The following DLGAP2 variants were observed in gnomAD, a reference collection of about 807,000 sequenced individuals.
DLGAP2 encodes the protein disks large-associated protein 2.
DLGAP2 carries 26 observed loss-of-function variants against 100.3 expected under a neutral mutation model. That is an observed-to-expected ratio of 0.26 (90% CI 0.19 to 0.36). The LOEUF (loss-of-function observed/expected upper bound fraction) is 0.36, where lower values mean the gene tolerates loss of function less well. DLGAP2 is among the 10% of genes least tolerant of loss of function. The pLI is 1.00. For missense variants in DLGAP2, 1,858 were observed against 1,453.2 expected (o/e 1.28, Z -4.53); for synonymous variants, 886 against 630.1 (o/e 1.41, Z -6.08).
chr8:1,231,935 G>T (rs1182011759), intron 2 of DLGAP2, among the ~76,000 whole-genome samples: 1 of 152,048 alleles, frequency 6.6e-6, no homozygotes, highest in African/African-American at 2.4e-5. Context: ...ACCTGCACAT[G>T]TACCCCTGAA....
intron 7 of DLGAP2, among the ~76,000 whole-genome samples, chr8:1,631,371 G>A (rs947568713): frequency 3.9e-5 from 6 of 152,092 alleles, no homozygotes; most frequent in African/African-American, 7.2e-5. Context: ...ACCTTCTCAC[G>A]CTGTCTACGA....
chr8:1,594,333 C>G (rs1362848274), intron 6 of DLGAP2, among the ~76,000 whole-genome samples: 1 of 151,876 alleles, frequency 6.6e-6, no homozygotes, highest in East Asian at 1.9e-4. Flanking sequence ...GAAGATGCCC[C>G]CTAAGGTCAA....
intron 3 of DLGAP2, among the ~76,000 whole-genome samples, chr8:1,428,057 G>C (rs541353254): frequency 2.0e-5 from 3 of 151,798 alleles, no homozygotes; most frequent in Non-Finnish European, 4.4e-5. Context: ...AAAAATAAAT[G>C]ACTTACATAG....
chr8:780,323 T>A (rs1375266961), intron 1 of DLGAP2, among the ~76,000 whole-genome samples: 2 of 152,226 alleles, frequency 1.3e-5, no homozygotes, highest in Non-Finnish European at 2.9e-5. Context: ...TAACAGGATT[T>A]CTTTTTCTTT....
chr8:1,602,494 C>G (rs1193008132), intron 6 of DLGAP2, among the ~76,000 whole-genome samples: 1 of 152,250 alleles, frequency 6.6e-6, no homozygotes, highest in African/African-American at 2.4e-5. Context: ...CCAGAGCTAG[C>G]CAGGGCTGGA....
intron 2 of DLGAP2, among the ~76,000 whole-genome samples, chr8:1,224,327 C>T (rs2116818617): frequency 6.6e-6 from 1 of 152,286 alleles, no homozygotes; most frequent in East Asian, 1.9e-4. Context: ...TAACTACCGT[C>T]AAGTAGGAAA....
chr8:1,181,704 C>A (rs572005870), intron 2 of DLGAP2, among the ~76,000 whole-genome samples: 1 of 152,254 alleles, frequency 6.6e-6, no homozygotes, highest in African/African-American at 2.4e-5. Context: ...AAGAAATGAA[C>A]AAACGATGGG....
chr8:1,380,329 T>G (rs184748373), intron 3 of DLGAP2: 2 of 152,198 alleles, frequency 1.3e-5, no homozygotes, highest in African/African-American at 2.4e-5. Context: ...GCACCGCAAA[T>G]TACCTGCACC....
In DLGAP2 at chr8:1,637,095, G is replaced by A. The variant is rs566265146; in HGVS notation, c.1810+4049G>A. Among the ~76,000 whole-genome samples the A allele has an allele frequency of 1.2e-3, 188 of 152,320 alleles. 1 individual carries two copies. The highest frequency in any genetic ancestry group is 4.3e-3 in the African/African-American group (178 of 41,586). ...CCGCAGGCAGGATGTCTCTGCAGAC[G>A]TGCTTGCTCGGGGACCAGGTGTGCA... On this transcript the variant is annotated intron_variant, in intron 8 of 14. Coordinates refer to ENST00000637795, the MANE Select transcript of DLGAP2 (RefSeq NM_001346810.2).
chr8:838,690 C>A (rs896619185), intron 1 of DLGAP2, among the ~76,000 whole-genome samples: 1 of 152,052 alleles, frequency 6.6e-6, no homozygotes, highest in Non-Finnish European at 1.5e-5. Flanking sequence ...TGCAATTAAA[C>A]TTCTTTTACT....
intron 2 of DLGAP2, among the ~76,000 whole-genome samples, chr8:1,089,146 G>T (rs953395011): frequency 1.4e-5 from 2 of 146,356 alleles, no homozygotes; most frequent in African/African-American, 2.6e-5. Flanking sequence ...AGCAGGCTAT[G>T]CAATTCTCGC....
At chr8:768,549 C>G (rs547481963) in intron 1 of DLGAP2, among the ~76,000 whole-genome samples, 1 of 151,422 alleles carries the variant, frequency 6.6e-6, no homozygotes, top group African/African-American at 2.4e-5. Flanking sequence ...CTCAGCCTCC[C>G]GAGTACCTGG....
chr8:1,068,920 C>T (rs1323407266), intron 2 of DLGAP2, among the ~76,000 whole-genome samples: 1 of 152,076 alleles, frequency 6.6e-6, no homozygotes, highest in African/African-American at 2.4e-5. Context: ...CTGGGCAGCC[C>T]CGGGGGCTGG....
At chr8:1,132,503 TCA>T (rs1250142622) in intron 2 of DLGAP2, among the ~76,000 whole-genome samples, 1 of 152,226 alleles carries the variant, frequency 6.6e-6, no homozygotes, top group Non-Finnish European at 1.5e-5. Flanking sequence ...AATACAAAAC[TCA>T]CTGGTAGTTT....
At chr8:1,357,715 A>G (rs1585295639) in intron 3 of DLGAP2, among the ~76,000 whole-genome samples, 2 of 152,198 alleles carry the variant, frequency 1.3e-5, no homozygotes, top group African/African-American at 4.8e-5. Context: ...TTGCTGCGAT[A>G]CGCAGCACCA....
intron 3 of DLGAP2, among the ~76,000 whole-genome samples, chr8:1,438,610 C>T (rs1797724027): frequency 6.6e-6 from 1 of 152,076 alleles, no homozygotes; most frequent in African/African-American, 2.4e-5. Flanking sequence ...GAGGAAAGAA[C>T]CGAGAACTAT....
At chr8:1,130,707 G>A (rs76764072) in intron 2 of DLGAP2, among the ~76,000 whole-genome samples, 11,898 of 152,282 alleles carry the variant, frequency 0.078, 588 homozygotes, top group East Asian at 0.18. Context: ...CTTCCTCCCA[G>A]GCAGGGCGTC....
intron 2 of DLGAP2, among the ~76,000 whole-genome samples, chr8:1,237,208 C>A (rs1402265398): frequency 2.1e-4 from 29 of 138,362 alleles, no homozygotes; most frequent in Non-Finnish European, 3.8e-4. Flanking sequence ...TCACGTGGTG[C>A]CGTGTCTAGT....
chr8:1,471,626 C>T (rs1223028471), intron 3 of DLGAP2, among the ~76,000 whole-genome samples: 1 of 151,822 alleles, frequency 6.6e-6, no homozygotes, highest in Non-Finnish European at 1.5e-5. Context: ...CCACTCATCC[C>T]TGAATTAAGG....
Sources: allele counts gnomAD v4.1 joint callset (sites outside exome capture counted in the v4.1 genomes callset), GRCh38; gene constraint gnomAD v4.1.1; transcripts MANE v1.5; gene names NCBI Gene and HGNC (gene_info 2026-07-23, HGNC 2026-07-21).